ZNF880: variants seen among roughly 807,000 people sequenced by gnomAD.
ZNF880 encodes zinc finger protein LOC400713.
Under a neutral mutation model 11.8 loss-of-function variants are expected in ZNF880, and 12 were observed. That is an observed-to-expected ratio of 1.02 (90% CI 0.65 to 1.65). The LOEUF (loss-of-function observed/expected upper bound fraction) is 1.65. Ranked by LOEUF, ZNF880 falls within the 40% of genes most tolerant of loss-of-function variation. ZNF880 has a pLI of 0.00. For missense variants in ZNF880, 601 were observed against 673.9 expected (o/e 0.89, Z 1.20); for synonymous variants, 210 against 232.4 (o/e 0.90, Z 0.88).
chr19:52,371,235 T>C (rs762424078), intron 1 of ZNF880, among the ~76,000 whole-genome samples: 3 of 152,222 alleles, frequency 2.0e-5, no homozygotes, highest in East Asian at 1.9e-4. Context: ...TAACCTGTTA[T>C]GGGGATACAT....
chr19:52,385,219 C>T lies in ZNF880; in HGVS notation c.1639C>T (p.Pro547Ser). ...KHERIHTGEK[P>S]YRCHECGKDF... Reference sequence around the variant, plus strand: ...TGAGAGAATTCATACTGGGGAGAAACCGTACAGATGTCATGAATGTGGTAA... The same window carrying T: ...TGAGAGAATTCATACTGGGGAGAAATCGTACAGATGTCATGAATGTGGTAA... Residue 547 changes from proline to serine, a missense_variant, in exon 4 of 4, where the codon CCG becomes TCG. Coordinates refer to ENST00000422689, the MANE Select transcript of ZNF880 (RefSeq NM_001145434.2). The T allele has an allele frequency of 6.4e-7, 1 of 1,551,836 alleles. No individual in the cohort carries two copies. The highest frequency in any genetic ancestry group is 8.7e-7 in the Non-Finnish European group (1 of 1,147,244).
intron 1 of ZNF880, 116 bp from the exon 2 acceptor site, chr19:52,372,995 T>A: frequency 1.0e-6 from 1 of 955,346 alleles, no homozygotes; most frequent in Non-Finnish European, 1.6e-6. Context: ...TATAACTAGC[T>A]AAAAAAATAC....
At position 52,372,290 on chromosome 19, in the gene ZNF880, A is replaced by AT. The variant is rs770129861; in HGVS notation, c.13-807dup. On this transcript the variant is annotated intron_variant, in intron 1 of 3. Coordinates refer to ENST00000422689, the MANE Select transcript of ZNF880 (RefSeq NM_001145434.2). ...TCCACAAAATTAGAAATCTCTACTA[A>AT]TTTTTTTTTTTTTTGGAGACAGAGT... 7.9e-3 allele frequency among the ~76,000 whole-genome samples: 1,102 copies of AT among 138,708 alleles called. 12 individuals carry two copies. Among genetic ancestry groups the AT allele is most frequent in the African/African-American group, 0.024 (899 of 37,600 alleles). 91.0% of individuals were successfully genotyped at this position (138,708 alleles called of 152,430 possible).
chr19:52,390,739 A>G (rs4390703), downstream of ZNF880: 71,430 of 152,532 alleles, frequency 0.47, 17,070 homozygotes, highest in Middle Eastern at 0.67. Flanking sequence ...TTTTGAGACC[A>G]GCCTGACCAA....
the ZNF880 span, among the ~76,000 whole-genome samples, chr19:52,394,063 T>A: frequency 4.1e-4 from 63 of 151,938 alleles, no homozygotes; most frequent in East Asian, 2.9e-3. Context: ...ATAGTCTCGA[T>A]CTCCTGACCT....
In ZNF880 at chr19:52,385,180, T is replaced by C. The variant is rs1030971638; in HGVS notation, c.1600T>C (p.Tyr534His). ...TGGCAAGGTCTTCAGCCACAAGTTA[T>C]ACCTAAAAAAACATGAGAGAATTCA... is the stretch of plus-strand genomic sequence containing the variant. ...ECGKVFSHKL[Y>H]LKKHERIHTG... The change falls in exon 4 of 4, where the codon TAC becomes CAC. Residue 534 changes from tyrosine to histidine, a missense_variant. By Grantham distance (83) the Tyr-to-His change is moderately conservative. Around this residue, in one of 3 missense-constraint regions of ZNF880, gnomAD observed 177 missense variants for 214.5 expected, o/e 0.83. Transcript: ENST00000422689. 9 of 1,553,160 alleles carry C rather than the reference T, an allele frequency of 5.8e-6. No individual in the cohort carries two copies. The highest frequency in any genetic ancestry group is 2.0e-5 in the Admixed American group (1 of 51,000).
chr19:52,370,107 G>T (rs913949702), intron 1 of ZNF880, 130 bp downstream of exon 1: 4 of 1,213,050 alleles, frequency 3.3e-6, no homozygotes, highest in Non-Finnish European at 4.8e-6. Flanking sequence ...AAACTCAGAC[G>T]TTCTAATGAG....
chr19:52,382,168 T>G (rs11084154), intron 3 of ZNF880, among the ~76,000 whole-genome samples: 54,855 of 151,578 alleles, frequency 0.36, 10,191 homozygotes, highest in South Asian at 0.51. Flanking sequence ...CAGCTACTAC[T>G]TGGGAGGCTG....
upstream of ZNF880, among the ~76,000 whole-genome samples, chr19:52,368,345 T>A (rs1986223037): frequency 6.6e-6 from 1 of 152,206 alleles, no homozygotes; most frequent in East Asian, 1.9e-4. Context: ...TTTGGTACAT[T>A]AACTAGAAAC....
chr19:52,384,347 CACG>C lies in ZNF880; in HGVS notation c.770_772del (p.Arg257del), dbSNP rs148392772. 3.8e-3 allele frequency: 6,204 copies of C among 1,613,742 alleles called. 106 individuals carry two copies. The East Asian group carries it at 0.058, about 15-fold the overall frequency. ...CTCTTCAATCGAATTTCACTCCTTG[CACG>C]ACATCAGAGAATACATACTGGAGAG... On this transcript the variant is annotated inframe_deletion, in exon 4 of 4. Transcript: ENST00000422689.
intron 3 of ZNF880, among the ~76,000 whole-genome samples, chr19:52,382,414 CT>C (rs1986732333): frequency 6.6e-6 from 1 of 151,916 alleles, no homozygotes; most frequent in African/African-American, 2.4e-5. Flanking sequence ...ATTTAGAGAC[CT>C]TTTATTTTAT....
At chr19:52,373,316 A>AG (rs1450827129) in intron 2 of ZNF880, 79 bp downstream of exon 2, 6 of 1,454,610 alleles carry the variant, frequency 4.1e-6, no homozygotes, top group Non-Finnish European at 5.6e-6. Context: ...TTAGCATCTT[A>AG]GGAGTCACTG....
intron 3 of ZNF880, among the ~76,000 whole-genome samples, chr19:52,381,280 G>T (rs1986698692): frequency 6.6e-6 from 1 of 152,042 alleles, no homozygotes; most frequent in Admixed American, 6.5e-5. Flanking sequence ...CTGACACTTG[G>T]TGTTTATATA....
At chr19:52,379,550 C>T (rs1468589004) in intron 3 of ZNF880, 5 of 392,632 alleles carry the variant, frequency 1.3e-5, no homozygotes, top group African/African-American at 4.3e-5. Flanking sequence ...CGTGAGCCTC[C>T]GCGCCTGGCC....
At chr19:52,387,450 T>A, downstream of ZNF880, among the ~76,000 whole-genome samples, 1 of 81,114 alleles carries the variant, frequency 1.2e-5, no homozygotes, top group African/African-American at 7.0e-5. Context: ...ATATGACAAA[T>A]ACTTTTTTTT....
At chr19:52,369,811 C>T (rs765757467), upstream of ZNF880, 20 of 842,258 alleles carry the variant, frequency 2.4e-5, no homozygotes, top group Middle Eastern at 2.2e-4. Context: ...CCAGTCTCCA[C>T]GGCAGGTCTA....
chr19:52,385,243 A>G lies in ZNF880; in HGVS notation c.1663A>G (p.Lys555Glu). 6.4e-7 allele frequency: 1 copy of G among 1,551,970 alleles called. No homozygotes were observed. Residue 555 changes from lysine (K) to glutamate (E), a missense_variant, in exon 4 of 4, where the codon AAG (lysine) becomes GAG (glutamate). Coordinates refer to ENST00000422689, the MANE Select transcript of ZNF880 (RefSeq NM_001145434.2). ...EKPYRCHECG[K>E]DFTRNSNLAN... ...ACCGTACAGATGTCATGAATGTGGT[A>G]AGGACTTCACTCGAAATTCAAACCT...
downstream of ZNF880, chr19:52,389,433 C>T (rs1027919423): frequency 1.4e-5 from 1 of 70,748 alleles, no homozygotes; most frequent in Non-Finnish European, 2.7e-5. Context: ...GTCTGAAATC[C>T]AGCAGGGCAG....
Position 52,374,348 on chromosome 19 carries a change from A to T in ZNF880, c.189A>T (p.Arg63Ser), listed in dbSNP as rs1353396889. 1.9e-6 allele frequency: 3 copies of T among 1,613,718 alleles called. No individual in the cohort carries two copies. In the South Asian group the frequency reaches 3.3e-5, roughly 18 times the overall value. The change falls in exon 3 of 4, where the codon AGA becomes AGT. Residue 63 changes from arginine (R) to serine (S), a missense_variant. Arg to Ser is a moderately radical substitution (Grantham distance 110, BLOSUM62 -1). Transcript: ENST00000422689. ...LSVISMLEQRRDPRNLQSEVK... is the reference protein window; with the variant it reads ...LSVISMLEQRSDPRNLQSEVK... ...TTATCTCCATGTTGGAGCAAAGGAGAGATCCCCGGAATCTGCAGAGTGAAG... is the reference window on the plus strand; with the variant it reads ...TTATCTCCATGTTGGAGCAAAGGAGTGATCCCCGGAATCTGCAGAGTGAAG...
Sources: allele counts gnomAD v4.1 joint callset (sites outside exome capture counted in the v4.1 genomes callset), GRCh38; gene constraint gnomAD v4.1.1; regional missense constraint gnomAD v4.1.1; transcripts MANE v1.5; gene names NCBI Gene and HGNC (gene_info 2026-07-23, HGNC 2026-07-21).